The following CPO variants were observed in gnomAD, a reference collection of about 807,000 sequenced individuals.
The protein encoded by CPO is metallocarboxypeptidase C.
CPO carries 43 observed loss-of-function variants against 41.2 expected under a neutral mutation model. That is an observed-to-expected ratio of 1.04 (90% confidence interval 0.82 to 1.35). The LOEUF (loss-of-function observed/expected upper bound fraction) is 1.35. Ranked by LOEUF, CPO falls within the 40% of genes most tolerant of loss-of-function variation. The probability of loss-of-function intolerance (pLI) is 0.00; values close to 1 mark genes in which losing one functional copy is unlikely to be tolerated. For missense variants in CPO, 408 were observed against 451.7 expected, an observed-to-expected ratio of 0.90 and a Z score of 0.88; for synonymous variants, 178 against 162.7, an observed-to-expected ratio of 1.09 and a Z score of -0.72.
chr2:206,949,853 G>A, intron 2 of CPO, 140 bp downstream of exon 2: 1 of 485,806 alleles, frequency 2.1e-6, no homozygotes, highest in Non-Finnish European at 3.7e-6. Context: ...TTGAGTTCAA[G>A]GGATTCCTGA....
chr2:206,953,398 C>T (rs1424872101), intron 2 of CPO, among the ~76,000 whole-genome samples: 5 of 152,236 alleles, frequency 3.3e-5, no homozygotes, highest in African/African-American at 4.8e-5. Context: ...GGCCACAGGC[C>T]CCAAGCAAGT....
intron 2 of CPO, among the ~76,000 whole-genome samples, chr2:206,950,935 T>C (rs1172918346): frequency 1.2e-5 from 1 of 84,830 alleles, no homozygotes; most frequent in Non-Finnish European, 2.4e-5. Context: ...GTGGGTGGGG[T>C]GGGGGCCTGG....
At chr2:206,943,670 TA>T (rs1229416883) in intron 1 of CPO, among the ~76,000 whole-genome samples, 30 of 125,730 alleles carry the variant, frequency 2.4e-4, no homozygotes, top group Admixed American at 2.0e-3. Context: ...TGAAGATAGA[TA>T]GATGATAGAT....
intron 1 of CPO, among the ~76,000 whole-genome samples, chr2:206,945,082 A>G (rs574837495): frequency 1.2e-4 from 19 of 152,326 alleles, no homozygotes; most frequent in African/African-American, 4.6e-4. Flanking sequence ...ATTGTTAAAC[A>G]CAGATTATCT....
In CPO at chr2:206,958,298, C is replaced by T. The variant is rs1328765777; in HGVS notation, c.268-3C>T. ...AGTAATGGGGCATGGATATCTTCTC[C>T]AGATCAGCCAACCATCTGGTAATCC... On this transcript the variant is annotated splice_region_variant and splice_polypyrimidine_tract_variant and intron_variant, in intron 3 of 8. Transcript: ENST00000272852. The T allele has an allele frequency of 4.5e-6, 7 of 1,546,846 alleles. No individual in the cohort carries two copies. The highest frequency in any genetic ancestry group is 6.2e-6 in the Non-Finnish European group (7 of 1,130,332).
chr2:206,949,489 C>A, intron 1 of CPO, 128 bp from the exon 2 acceptor site: 1 of 650,394 alleles, frequency 1.5e-6, no homozygotes, highest in Non-Finnish European at 2.7e-6. Flanking sequence ...GAGCCAAAGA[C>A]TCCAACACAG....
intron 2 of CPO, among the ~76,000 whole-genome samples, chr2:206,952,237 T>C (rs2105822982): frequency 6.6e-6 from 1 of 152,138 alleles, no homozygotes; most frequent in Non-Finnish European, 1.5e-5. Context: ...CTCAGCCTCC[T>C]GAGTAGCTGA....
chr2:206,942,364 C>T (rs902699269), intron 1 of CPO, among the ~76,000 whole-genome samples: 1 of 152,022 alleles, frequency 6.6e-6, no homozygotes, highest in African/African-American at 2.4e-5. Flanking sequence ...CTATTTTTCT[C>T]CTCCTTTTTT....
intron 2 of CPO, among the ~76,000 whole-genome samples, chr2:206,953,352 C>T (rs909228310): frequency 6.6e-6 from 1 of 152,180 alleles, no homozygotes; most frequent in Non-Finnish European, 1.5e-5. Flanking sequence ...GTAAATACAC[C>T]CATTCCAAAT....
intron 1 of CPO, among the ~76,000 whole-genome samples, chr2:206,949,273 A>G (rs374029954): frequency 1.3e-5 from 2 of 152,308 alleles, no homozygotes; most frequent in South Asian, 4.2e-4. Flanking sequence ...ATTGCTTAGA[A>G]CAGTGCATGT....
chr2:206,947,260 T>C (rs1411876002), intron 1 of CPO, among the ~76,000 whole-genome samples: 1 of 152,102 alleles, frequency 6.6e-6, no homozygotes, highest in Non-Finnish European at 1.5e-5. Context: ...ATCCCATAAA[T>C]AAACCTACAT....
chr2:206,958,686 C>T (rs1693418715), intron 4 of CPO, among the ~76,000 whole-genome samples: 1 of 148,044 alleles, frequency 6.8e-6, no homozygotes. Flanking sequence ...GAGTTTGAAT[C>T]CTGGCTGTGC....
At chr2:206,952,298 A>G (rs1027827910) in intron 2 of CPO, among the ~76,000 whole-genome samples, 3 of 151,994 alleles carry the variant, frequency 2.0e-5, no homozygotes, top group African/African-American at 7.3e-5. Flanking sequence ...TATTTTTAGT[A>G]CAGACAGGGT....
intron 2 of CPO, among the ~76,000 whole-genome samples, chr2:206,952,499 T>TGG (rs1327790218): frequency 6.6e-6 from 1 of 152,238 alleles, no homozygotes; most frequent in Admixed American, 6.5e-5. Flanking sequence ...GAAATGCTGA[T>TGG]GATTGTCTGA....
intron 2 of CPO, among the ~76,000 whole-genome samples, chr2:206,950,664 T>G (rs1379026958): frequency 1.3e-5 from 2 of 152,196 alleles, no homozygotes; most frequent in African/African-American, 4.8e-5. Flanking sequence ...AATAGCAGAC[T>G]TGGAACCAAC....
chr2:206,942,785 C>T (rs189747796), intron 1 of CPO, among the ~76,000 whole-genome samples: 2 of 152,288 alleles, frequency 1.3e-5, no homozygotes, highest in East Asian at 3.9e-4. Flanking sequence ...AAGAAATTGC[C>T]TAGAAACAGA....
intron 1 of CPO, 32 bp downstream of exon 1, chr2:206,939,699 T>C (rs1333051097): frequency 6.3e-7 from 1 of 1,577,718 alleles, no homozygotes; most frequent in African/African-American, 1.4e-5. Flanking sequence ...GAACTGATTA[T>C]TATAATTTAG....
Position 206,969,193 on chromosome 2 carries a change from A to C in CPO, c.882A>C (p.Ser294=), listed in dbSNP as rs1484869347. The stretch of plus-strand genomic sequence containing the variant: ...CTGTAGATGCCTCATCAGGGTCTTC[A>C]AGAGATTGGGCCCGAGACATTGGGA... The part of the protein sequence containing the change: ...ADILYASSGS[S]RDWARDIGIP... Residue 294 remains serine, a synonymous_variant, in exon 9 of 9, where the codon TCA becomes TCC. Transcript: ENST00000272852. 2 of 1,614,160 alleles carry C rather than the reference A, an allele frequency of 1.2e-6. No homozygotes were observed.
At chr2:206,960,333 C>G (rs1212989373) in intron 5 of CPO, among the ~76,000 whole-genome samples, 1 of 152,174 alleles carries the variant, frequency 6.6e-6, no homozygotes, top group African/African-American at 2.4e-5. Flanking sequence ...TCTGGAACAG[C>G]CTTTCTGGCC....
Sources: allele counts gnomAD v4.1 joint callset (sites outside exome capture counted in the v4.1 genomes callset), GRCh38; gene constraint gnomAD v4.1.1; transcripts MANE v1.5; gene names NCBI Gene and HGNC (gene_info 2026-07-23, HGNC 2026-07-21).